The following TRMT61A variants were observed in gnomAD, a reference collection of about 807,000 sequenced individuals.
The protein encoded by TRMT61A is tRNA methyltransferase 61A, also known as tRNA (adenine(58)-N(1))-methyltransferase catalytic subunit TRMT61A.
In TRMT61A, 15 loss-of-function variants were observed where a neutral mutation model predicts 21.3. The observed-to-expected ratio is 0.70, with a 90% CI of 0.47 to 1.08. The LOEUF is 1.08. Ranked by LOEUF, TRMT61A falls within the 50% of genes least tolerant of loss-of-function variation. TRMT61A has a pLI of 0.00. For synonymous variants in TRMT61A, 183 were observed against 185.5 expected, an observed-to-expected ratio of 0.99 and a Z score of 0.11; for missense variants, 352 against 426.7, an observed-to-expected ratio of 0.83 and a Z score of 1.54.
At chr14:103,534,145 T>C (rs976001467) in intron 3 of TRMT61A, among the ~76,000 whole-genome samples, 5 of 152,212 alleles carry the variant, frequency 3.3e-5, no homozygotes, top group African/African-American at 1.2e-4. Flanking sequence ...CAGCCTCTAA[T>C]TTCCTGTGAC....
At position 103,536,892 on chromosome 14, in the gene TRMT61A, C is replaced by A; in HGVS notation, c.*2071C>A. 1 of 152,318 alleles carries A rather than the reference C, an allele frequency of 6.6e-6. No homozygotes were observed. Among genetic ancestry groups the A allele is most frequent in the Non-Finnish European group, 1.5e-5 (1 of 68,058 alleles). The allele number at this position is 152,318 out of a possible 1,614,324, so 9.4% of individuals were successfully genotyped here. Reference sequence around the variant, plus strand: ...TTAGTTGTCACATGGGACAGAGTTGCTGTGTCAATCCCCTCGGCCCTGCTG... The same window carrying A: ...TTAGTTGTCACATGGGACAGAGTTGATGTGTCAATCCCCTCGGCCCTGCTG... On this transcript the variant is annotated 3_prime_UTR_variant, in exon 4 of 4. Transcript: ENST00000389749.
intron 3 of TRMT61A, among the ~76,000 whole-genome samples, chr14:103,534,293 C>T (rs561529955): frequency 1.1e-4 from 16 of 152,332 alleles, no homozygotes; most frequent in Non-Finnish European, 2.1e-4. Context: ...GGGCTTGACC[C>T]GGTGCCTGGC....
In TRMT61A at chr14:103,532,821, C is replaced by A. The variant is rs1479857418; in HGVS notation, c.571C>A (p.His191Asn). The change falls in exon 3 of 4, where the codon CAC becomes AAC. Residue 191 changes from histidine to asparagine, a missense_variant. Coordinates refer to ENST00000389749, the MANE Select transcript of TRMT61A (RefSeq NM_152307.3). ...DIPSPWEAVGHAWDALKVEGG... is the reference protein window; with the variant it reads ...DIPSPWEAVGNAWDALKVEGG... ...CCCATCACCCTGGGAGGCCGTGGGCCACGCCTGGGACGCCCTCAAGGTCGA... is the reference window on the plus strand; with the variant it reads ...CCCATCACCCTGGGAGGCCGTGGGCAACGCCTGGGACGCCCTCAAGGTCGA... 6.4e-7 allele frequency: 1 copy of A among 1,562,754 alleles called. No homozygotes were observed. Among genetic ancestry groups the A allele is most frequent in the Admixed American group, 1.9e-5 (1 of 53,054 alleles).
At position 103,536,517 on chromosome 14, in the gene TRMT61A, G is replaced by A. The variant is rs2075974518; in HGVS notation, c.*1696G>A. 1 of 152,186 alleles carries A rather than the reference G, an allele frequency of 6.6e-6. No homozygotes were observed. The highest frequency in any genetic ancestry group is 6.5e-5 in the Admixed American group (1 of 15,276). 9.4% of individuals were successfully genotyped at this position (152,186 alleles called of 1,614,324 possible). A position where few individuals can be genotyped will look rare whatever the true frequency, so the allele number is the denominator to read the frequency against. On this transcript the variant is annotated 3_prime_UTR_variant, in exon 4 of 4. Transcript: ENST00000389749. ...TTACTCACCTGGGGCACAGAGGAGG[G>A]GCCCCCAGTCAGGTTCAACATGGAA...
chr14:103,531,885 C>G lies in TRMT61A; in HGVS notation c.332-697C>G, dbSNP rs976275091. On this transcript the variant is annotated intron_variant, in intron 2 of 3. Coordinates refer to ENST00000389749, the MANE Select transcript of TRMT61A (RefSeq NM_152307.3). The surrounding 1 kb of genome is among the most constrained non-coding windows in gnomAD (Gnocchi z 5.1). ...TGGGAGGAGGGATGCAAGCCTTGAC[C>G]CTCTCCATAAGACAGGAAGTCAAGC... Among the ~76,000 whole-genome samples, 1 of 151,882 alleles carries G rather than the reference C, an allele frequency of 6.6e-6. No homozygotes were observed. The highest frequency in any genetic ancestry group is 1.5e-5 in the Non-Finnish European group (1 of 67,954).
chr14:103,530,135 C>T lies in TRMT61A; in HGVS notation c.157C>T (p.Pro53Ser). 6.2e-7 allele frequency: 1 copy of T among 1,612,892 alleles called. No individual in the cohort carries two copies. The highest frequency in any genetic ancestry group is 8.5e-7 in the Non-Finnish European group (1 of 1,180,006). The change falls in exon 2 of 4, where the codon CCC (proline) becomes TCC (serine). Residue 53 changes from proline to serine, a missense_variant. Physicochemically the swap from Pro to Ser is moderately conservative, Grantham distance 74 (BLOSUM62 -1). Coordinates refer to ENST00000389749, the MANE Select transcript of TRMT61A (RefSeq NM_152307.3). ...LRHSVDLIGR[P>S]FGSKVTCGRG... ...GCACTCAGTTGACCTTATCGGCCGC[C>T]CCTTCGGCTCCAAGGTGACGTGCGG... is the stretch of plus-strand genomic sequence containing the variant.
At position 103,534,614 on chromosome 14, in the gene TRMT61A, AGC is replaced by A; in HGVS notation, c.669_670del (p.Gly224LeufsTer189). On this transcript the variant is annotated frameshift_variant, in exon 4 of 4. Coordinates refer to ENST00000389749, the MANE Select transcript of TRMT61A (RefSeq NM_152307.3). LOFTEE classifies it high-confidence loss of function. Reference sequence around the variant, plus strand: ...TGCAACGCACATGCCAGGCGCTGGCAGCGCGCGGCTTCTCAGAGCTGAGCACC... The same window carrying A: ...TGCAACGCACATGCCAGGCGCTGGCAGCGCGGCTTCTCAGAGCTGAGCACC... ...QVQRTCQALA[A>X]RGFSELSTLE... 1 of 1,605,196 alleles carries A rather than the reference AGC, an allele frequency of 6.2e-7. No homozygotes were observed. Among genetic ancestry groups the A allele is most frequent in the Non-Finnish European group, 8.5e-7 (1 of 1,174,558 alleles).
In TRMT61A at chr14:103,530,180, G is replaced by A; in HGVS notation, c.202G>A (p.Val68Met). 1 of 1,612,626 alleles carries A rather than the reference G, an allele frequency of 6.2e-7. No homozygotes were observed. The highest frequency in any genetic ancestry group is 8.5e-7 in the Non-Finnish European group (1 of 1,179,854). The stretch of plus-strand genomic sequence containing the variant: ...GTGCGGCCGAGGTGGCTGGGTGTAT[G>A]TGCTGCACCCCACGCCCGAGCTCTG... ...VTCGRGGWVY[V>M]LHPTPELWTL... is the part of the protein sequence containing the mutation. The change falls in exon 2 of 4, where the codon GTG (valine) becomes ATG (methionine). Residue 68 changes from valine to methionine, a missense_variant. Transcript: ENST00000389749.
Position 103,532,833 on chromosome 14 carries a change from G to A in TRMT61A, c.583G>A (p.Ala195Thr), listed in dbSNP as rs765359264. 7.1e-6 allele frequency: 11 copies of A among 1,556,404 alleles called. No individual in the cohort carries two copies. In the African/African-American group the frequency reaches 8.2e-5, roughly 12 times the overall value. Residue 195 changes from alanine to threonine, a missense_variant, in exon 3 of 4, where the codon GCC becomes ACC. Ala to Thr is a moderately conservative substitution (Grantham distance 58, BLOSUM62 0). Coordinates refer to ENST00000389749, the MANE Select transcript of TRMT61A (RefSeq NM_152307.3). ...PWEAVGHAWDALKVEGGRFCS... is the reference protein window; with the variant it reads ...PWEAVGHAWDTLKVEGGRFCS... ...GGAGGCCGTGGGCCACGCCTGGGAC[G>A]CCCTCAAGGTCGAAGGTGCATCCGG...
Position 103,534,620 on chromosome 14 carries a change from C to G in TRMT61A, c.669C>G (p.Arg223=), listed in dbSNP as rs762008864. 2.5e-6 allele frequency: 4 copies of G among 1,606,952 alleles called. 1 individual carries two copies. The South Asian group carries it at 4.4e-5, about 18-fold the overall frequency. ...GCACATGCCAGGCGCTGGCAGCGCGCGGCTTCTCAGAGCTGAGCACCCTGG... is the reference window on the plus strand; with the variant it reads ...GCACATGCCAGGCGCTGGCAGCGCGGGGCTTCTCAGAGCTGAGCACCCTGG... ...VQRTCQALAA[R]GFSELSTLEV... Residue 223 remains arginine (R), a synonymous_variant, in exon 4 of 4, where the codon CGC becomes CGG. Transcript: ENST00000389749.
chr14:103,532,250 C>T (rs1482392121), intron 2 of TRMT61A, among the ~76,000 whole-genome samples: 1 of 152,182 alleles, frequency 6.6e-6, no homozygotes, highest in African/African-American at 2.4e-5. Flanking sequence ...TCCCCGGAGG[C>T]TCCAGGCAGC....
At position 103,536,634 on chromosome 14, in the gene TRMT61A, C is replaced by T. The variant is rs1488536928; in HGVS notation, c.*1813C>T. 1 of 152,290 alleles carries T rather than the reference C, an allele frequency of 6.6e-6. No homozygotes were observed. Among genetic ancestry groups the T allele is most frequent in the African/African-American group, 2.4e-5 (1 of 41,442 alleles). The allele number at this position is 152,290 out of a possible 1,614,324, so 9.4% of individuals were successfully genotyped here. A position where few individuals can be genotyped will look rare whatever the true frequency, so the allele number is the denominator to read the frequency against. On this transcript the variant is annotated 3_prime_UTR_variant, in exon 4 of 4. Coordinates refer to ENST00000389749, the MANE Select transcript of TRMT61A (RefSeq NM_152307.3). ...GCACACCCCTGAGATCTCAGTTCCC[C>T]CAAGCCTGCCCTGCCCCTCCTGGCC...
At position 103,529,937 on chromosome 14, in the gene TRMT61A, C is replaced by T; in HGVS notation, c.-29-13C>T. ...CTCCTGACTTGCTCATGCCTACACA[C>T]ACCCCTCCCCAGGTCCTTGGCCCTT... On this transcript the variant is annotated splice_polypyrimidine_tract_variant and intron_variant, in intron 1 of 3. Coordinates refer to ENST00000389749, the MANE Select transcript of TRMT61A (RefSeq NM_152307.3). 6.5e-7 allele frequency: 1 copy of T among 1,545,478 alleles called. No homozygotes were observed. The highest frequency in any genetic ancestry group is 1.4e-5 in the African/African-American group (1 of 73,774).
rs1183566430 is a variant in TRMT61A, at chr14:103,531,446, A to G, written c.332-1136A>G. Among the ~76,000 whole-genome samples the G allele has an allele frequency of 6.6e-6, 1 of 152,158 alleles. No homozygotes were observed. The highest frequency in any genetic ancestry group is 1.5e-5 in the Non-Finnish European group (1 of 68,022). On this transcript the variant is annotated intron_variant, in intron 2 of 3. Transcript: ENST00000389749. The surrounding 1 kb of genome is among the most constrained non-coding windows in gnomAD (Gnocchi z 5.1). ...AGCCGTGCCGAGGCCCTGCAGTTGGAGCATGCTGCCGAGTCAGGCTCAGTG... is the reference window on the plus strand; with the variant it reads ...AGCCGTGCCGAGGCCCTGCAGTTGGGGCATGCTGCCGAGTCAGGCTCAGTG...
chr14:103,532,077 G>T (rs2075956443), intron 2 of TRMT61A, among the ~76,000 whole-genome samples: 2 of 152,012 alleles, frequency 1.3e-5, no homozygotes, highest in South Asian at 2.1e-4. Context: ...GGCTTGGTGG[G>T]GGTGGGCTGT....
In TRMT61A at chr14:103,529,258, G is replaced by T. The variant is rs1297684717; in HGVS notation, c.-33G>T. ...GTGGAGCCCCGGCAGCAGGAGCGTC[G>T]CAGGTGAGACTCCGCGGGGTACAGG... On this transcript the variant is annotated 5_prime_UTR_variant, in exon 1 of 4. Transcript: ENST00000389749. The T allele has an allele frequency of 3.1e-6, 1 of 323,828 alleles. No individual in the cohort carries two copies. The highest frequency in any genetic ancestry group is 4.1e-5 in the Admixed American group (1 of 24,520). 20.1% of individuals were successfully genotyped at this position (323,828 alleles called of 1,614,324 possible).
intron 2 of TRMT61A, among the ~76,000 whole-genome samples, chr14:103,530,614 T>C (rs1024827837): frequency 7.2e-5 from 11 of 152,152 alleles, no homozygotes; most frequent in African/African-American, 2.7e-4. Flanking sequence ...CTGTCCTAGG[T>C]ACTGACCGTC....
Position 103,535,377 on chromosome 14 carries a change from C to G in TRMT61A, c.*556C>G, listed in dbSNP as rs1168937140. ...CTAGGAGACCAGGCCAGCCCAGGAACCAGGGAGGTGACCCTGCTCTCTGGC... is the reference window on the plus strand; with the variant it reads ...CTAGGAGACCAGGCCAGCCCAGGAAGCAGGGAGGTGACCCTGCTCTCTGGC... On this transcript the variant is annotated 3_prime_UTR_variant, in exon 4 of 4. Coordinates refer to ENST00000389749, the MANE Select transcript of TRMT61A (RefSeq NM_152307.3). 1 of 456,320 alleles carries G rather than the reference C, an allele frequency of 2.2e-6. No individual in the cohort carries two copies. Among genetic ancestry groups the G allele is most frequent in the Non-Finnish European group, 4.4e-6 (1 of 226,826 alleles). 28.3% of individuals were successfully genotyped at this position (456,320 alleles called of 1,614,324 possible).
At position 103,531,115 on chromosome 14, in the gene TRMT61A, A is replaced by T. The variant is rs1489732189; in HGVS notation, c.331+806A>T. On this transcript the variant is annotated intron_variant, in intron 2 of 3. Coordinates refer to ENST00000389749, the MANE Select transcript of TRMT61A (RefSeq NM_152307.3). The surrounding 1 kb of genome is among the most constrained non-coding windows in gnomAD (Gnocchi z 5.1). ...TCTCCGCCCCTGCCCCACTCTCGCGAGAGAGCTCAATCAAGCAGCACCTTC... is the reference window on the plus strand; with the variant it reads ...TCTCCGCCCCTGCCCCACTCTCGCGTGAGAGCTCAATCAAGCAGCACCTTC... 6.6e-6 allele frequency among the ~76,000 whole-genome samples: 1 copy of T among 152,060 alleles called. No homozygotes were observed. The highest frequency in any genetic ancestry group is 2.1e-4 in the South Asian group (1 of 4,824).
Sources: gnomAD v4.1 joint callset for allele counts (sites outside exome capture counted in the v4.1 genomes callset) on GRCh38, gnomAD v4.1.1 for gene constraint, Gnocchi (gnomAD v3.1) non-coding constraint, MANE v1.5 for transcripts, NCBI Gene and HGNC (gene_info 2026-07-23, HGNC 2026-07-21) for gene names.